The following MAP1LC3B2 variants were observed in gnomAD, a reference collection of about 807,000 sequenced individuals.
The protein encoded by MAP1LC3B2 is microtubule-associated protein 1 light chain 3 beta 2.
For synonymous variants in MAP1LC3B2, 62 were observed against 57.8 expected, an observed-to-expected ratio of 1.07 and a Z score of -0.33; for missense variants, 155 against 154.6, an observed-to-expected ratio of 1.00 and a Z score of -0.01.
chr12:116,559,885 G>A (rs935842368), intron 1 of MAP1LC3B2: 2 of 152,076 alleles, frequency 1.3e-5, no homozygotes, highest in Admixed American at 6.5e-5. Context: ...AGCCTTGCTT[G>A]AATGGCTTCT....
chr12:116,572,729 T>G (rs1682631683), intron 1 of MAP1LC3B2, among the ~76,000 whole-genome samples: 1 of 152,230 alleles, frequency 6.6e-6, no homozygotes. Flanking sequence ...GAATACTTGT[T>G]AATATCCACT....
intron 1 of MAP1LC3B2, among the ~76,000 whole-genome samples, chr12:116,561,681 G>T (rs537373653): frequency 6.6e-6 from 1 of 152,318 alleles, no homozygotes; most frequent in Non-Finnish European, 1.5e-5. Flanking sequence ...CACTGAGGCA[G>T]CTGGATCCTG....
intron 1 of MAP1LC3B2, among the ~76,000 whole-genome samples, chr12:116,563,842 T>C (rs1180472533): frequency 1.3e-5 from 2 of 152,158 alleles, no homozygotes; most frequent in African/African-American, 4.8e-5. Context: ...TCTATTATTA[T>C]GTCATTGGAT....
At chr12:116,561,677 G>C (rs1407331506) in intron 1 of MAP1LC3B2, among the ~76,000 whole-genome samples, 1 of 152,208 alleles carries the variant, frequency 6.6e-6, no homozygotes, top group Admixed American at 6.5e-5. Context: ...CATTCACTGA[G>C]GCAGCTGGAT....
chr12:116,569,081 C>T (rs564478533), intron 1 of MAP1LC3B2, among the ~76,000 whole-genome samples: 1 of 152,082 alleles, frequency 6.6e-6, no homozygotes, highest in South Asian at 2.1e-4. Flanking sequence ...CCAGGATGGT[C>T]TCGATCTCCT....
At chr12:116,569,713 TC>T (rs1204946208) in intron 1 of MAP1LC3B2, among the ~76,000 whole-genome samples, 1 of 151,868 alleles carries the variant, frequency 6.6e-6, no homozygotes, top group African/African-American at 2.4e-5. Flanking sequence ...AAAATGCAAA[TC>T]AAAGAAATGG....
At chr12:116,566,828 G>A (rs1205471230) in intron 1 of MAP1LC3B2, among the ~76,000 whole-genome samples, 1 of 148,012 alleles carries the variant, frequency 6.8e-6, no homozygotes, top group Non-Finnish European at 1.5e-5. Flanking sequence ...CTACTCAGGA[G>A]GCGGAGGCAG....
Position 116,575,876 on chromosome 12 carries a change from CAGCCGCCACCCCCAGG to C in MAP1LC3B2, c.-59_-44del. On this transcript the variant is annotated 5_prime_UTR_variant, in exon 2 of 2. Coordinates refer to ENST00000556529, the MANE Select transcript of MAP1LC3B2 (RefSeq NM_001085481.3). ...GCCACAGTCGGATTCGCTGCCGCAG[CAGCCGCCACCCCCAGG>C]AGCCGCCGGGACCCTCGCGTCGTCG... 2 of 1,596,912 alleles carry C rather than the reference CAGCCGCCACCCCCAGG, an allele frequency of 1.3e-6. No individual in the cohort carries two copies. Among genetic ancestry groups the C allele is most frequent in the Non-Finnish European group, 1.7e-6 (2 of 1,166,900 alleles).
intron 1 of MAP1LC3B2, among the ~76,000 whole-genome samples, chr12:116,569,836 A>G (rs1459573959): frequency 6.6e-6 from 1 of 152,144 alleles, no homozygotes; most frequent in Non-Finnish European, 1.5e-5. Flanking sequence ...TGGGCAGATC[A>G]CAAGGTCAAG....
At chr12:116,563,369 G>T (rs1268171910) in intron 1 of MAP1LC3B2, among the ~76,000 whole-genome samples, 1 of 152,112 alleles carries the variant, frequency 6.6e-6, no homozygotes, top group African/African-American at 2.4e-5. Flanking sequence ...ATTTTCACTG[G>T]ACACAGACTT....
At chr12:116,564,888 A>C (rs1046611483) in intron 1 of MAP1LC3B2, among the ~76,000 whole-genome samples, 2 of 152,192 alleles carry the variant, frequency 1.3e-5, no homozygotes, top group African/African-American at 4.8e-5. Context: ...AGCCAGGGTG[A>C]TCACTGGGCT....
In MAP1LC3B2 at chr12:116,575,874, A is replaced by C. The variant is rs1307215827; in HGVS notation, c.-69A>C. ...CGGCCACAGTCGGATTCGCTGCCGCAGCAGCCGCCACCCCCAGGAGCCGCC... is the reference window on the plus strand; with the variant it reads ...CGGCCACAGTCGGATTCGCTGCCGCCGCAGCCGCCACCCCCAGGAGCCGCC... On this transcript the variant is annotated 5_prime_UTR_variant, in exon 2 of 2. Coordinates refer to ENST00000556529, the MANE Select transcript of MAP1LC3B2 (RefSeq NM_001085481.3). The C allele has an allele frequency of 2.5e-6, 4 of 1,594,368 alleles. No individual in the cohort carries two copies. The highest frequency in any genetic ancestry group is 3.4e-6 in the Non-Finnish European group (4 of 1,164,728).
At chr12:116,561,359 G>A (rs1300935743) in intron 1 of MAP1LC3B2, among the ~76,000 whole-genome samples, 1 of 152,128 alleles carries the variant, frequency 6.6e-6, no homozygotes, top group Non-Finnish European at 1.5e-5. Flanking sequence ...TGGAAGTGAG[G>A]ATTGGAGTTT....
chr12:116,563,128 A>G (rs1459218915), intron 1 of MAP1LC3B2, among the ~76,000 whole-genome samples: 1 of 151,932 alleles, frequency 6.6e-6, no homozygotes, highest in African/African-American at 2.4e-5. Flanking sequence ...TGCCTGGTTA[A>G]TTTTGTATTT....
At chr12:116,568,730 C>T (rs1869451579) in intron 1 of MAP1LC3B2, among the ~76,000 whole-genome samples, 1 of 152,154 alleles carries the variant, frequency 6.6e-6, no homozygotes. Flanking sequence ...CCTGAGCTGA[C>T]ACACATATTC....
chr12:116,571,408 A>C (rs899098082), intron 1 of MAP1LC3B2, among the ~76,000 whole-genome samples: 3 of 148,152 alleles, frequency 2.0e-5, no homozygotes, highest in South Asian at 2.2e-4. Context: ...CCTACCATGA[A>C]ATGAATTTTT....
intron 1 of MAP1LC3B2, among the ~76,000 whole-genome samples, chr12:116,573,708 G>C (rs1046379181): frequency 1.3e-5 from 2 of 151,912 alleles, no homozygotes; most frequent in African/African-American, 4.8e-5. Flanking sequence ...GTAGAGATGG[G>C]GTTTCACCAT....
At chr12:116,567,794 G>C (rs1869430487) in intron 1 of MAP1LC3B2, among the ~76,000 whole-genome samples, 1 of 151,780 alleles carries the variant, frequency 6.6e-6, no homozygotes, top group Admixed American at 6.6e-5. Flanking sequence ...ACCCTCTAAG[G>C]GTTTCGGTTG....
intron 1 of MAP1LC3B2, among the ~76,000 whole-genome samples, chr12:116,562,704 A>C (rs1204079031): frequency 1.3e-5 from 2 of 152,214 alleles, no homozygotes; most frequent in Admixed American, 1.3e-4. Context: ...CATAACTGAC[A>C]GATGTTGGCA....
Sources: gnomAD v4.1 joint callset for allele counts (sites outside exome capture counted in the v4.1 genomes callset) on GRCh38, gnomAD v4.1.1 for gene constraint, MANE v1.5 for transcripts, NCBI Gene and HGNC (gene_info 2026-07-23, HGNC 2026-07-21) for gene names.